Variants in BAZ2B observed in about 807,000 individuals in gnomAD.
BAZ2B encodes the protein bromodomain adjacent to zinc finger domain protein 2B.
In BAZ2B, 91 loss-of-function variants were observed where a neutral mutation model predicts 246.0. That is an observed-to-expected ratio of 0.37 (90% CI 0.31 to 0.44). The LOEUF (loss-of-function observed/expected upper bound fraction) is 0.44. Ranked by LOEUF, BAZ2B falls within the 20% of genes least tolerant of loss-of-function variation. The pLI is 1.00. For synonymous variants in BAZ2B, 855 were observed against 860.0 expected (o/e 0.99, Z 0.10); for missense variants, 2,332 against 2,533.7 (o/e 0.92, Z 1.71).
intron 6 of BAZ2B, among the ~76,000 whole-genome samples, chr2:159,441,585 T>G (rs1252605198): frequency 6.6e-6 from 1 of 152,202 alleles, no homozygotes; most frequent in African/African-American, 2.4e-5. Context: ...TTTCCACAAA[T>G]AATTAGCTAG....
the BAZ2B span, among the ~76,000 whole-genome samples, chr2:159,651,662 A>G: frequency 8.5e-5 from 13 of 152,056 alleles, no homozygotes; most frequent in Admixed American, 3.9e-4. Context: ...TACAACCATC[A>G]CTACAGATTT....
In BAZ2B at chr2:159,412,376, T is replaced by C; in HGVS notation, c.2636A>G (p.Asp879Gly). The stretch of plus-strand genomic sequence containing the variant: ...TCTTAGCAACTTTGCATCTGCGTTA[T>C]CTAGGAATTCAGCATTGCCAACATT... Reference protein sequence around the residue: ...PPNVGNAEFLDNADAKLLRKL... With the variant: ...PPNVGNAEFLGNADAKLLRKL... The change falls in exon 14 of 37, where the codon GAT becomes GGT. Residue 879 changes from aspartate (D) to glycine (G), a missense_variant. Asp to Gly is a moderately conservative substitution (Grantham distance 94). Transcript: ENST00000392783. The C allele has an allele frequency of 1.2e-6, 2 of 1,614,180 alleles. No individual in the cohort carries two copies. Among genetic ancestry groups the C allele is most frequent in the Non-Finnish European group, 1.7e-6 (2 of 1,180,010 alleles).
At position 159,611,322 on chromosome 2, in the gene BAZ2B, A is replaced by C. The variant is rs570258159; in HGVS notation, c.-46+4920T>G. ...AATTCAATGTTCCTTAATTTGATTT[A>C]TATGAATATCTACCTCAACAAAAAT... is the stretch of plus-strand genomic sequence containing the variant. On this transcript the variant is annotated intron_variant, in intron 1 of 36. Coordinates refer to ENST00000392783, the MANE Select transcript of BAZ2B (RefSeq NM_013450.4). 1.8e-3 allele frequency among the ~76,000 whole-genome samples: 277 copies of C among 152,040 alleles called. 2 individuals are homozygous for C. The highest frequency in any genetic ancestry group is 6.4e-3 in the African/African-American group (266 of 41,576).
intron 2 of BAZ2B, among the ~76,000 whole-genome samples, chr2:159,498,117 G>C (rs1274947632): frequency 6.6e-6 from 1 of 152,164 alleles, no homozygotes; most frequent in Non-Finnish European, 1.5e-5. Flanking sequence ...AGCTTTGGTT[G>C]CTGAATCAGT....
chr2:159,380,223 A>C (rs998147450), intron 25 of BAZ2B, among the ~76,000 whole-genome samples: 1 of 152,064 alleles, frequency 6.6e-6, no homozygotes, highest in Admixed American at 6.6e-5. Context: ...AACATCTGTA[A>C]AATCCTTGGC....
At chr2:159,368,533 T>G (rs942064471) in intron 27 of BAZ2B, among the ~76,000 whole-genome samples, 4 of 152,204 alleles carry the variant, frequency 2.6e-5, no homozygotes, top group Non-Finnish European at 5.9e-5. Context: ...TATTCCCTTA[T>G]TATTTCATTA....
chr2:159,562,815 C>T (rs1362827006), intron 1 of BAZ2B, among the ~76,000 whole-genome samples: 1 of 152,048 alleles, frequency 6.6e-6, no homozygotes, highest in Non-Finnish European at 1.5e-5. Context: ...AAATTAGAGT[C>T]CATTTTGGTC....
rs747059690 is a variant in BAZ2B at position 159,334,735 on chromosome 2, C to CTAT, written c.5797-2052_5797-2050dup. Among the ~76,000 whole-genome samples, 5 of 152,058 alleles carry CTAT rather than the reference C, an allele frequency of 3.3e-5. No individual in the cohort carries two copies. The East Asian group carries it at 7.7e-4, about 23-fold the overall frequency. ...TGAATTTGCAAAAATGGAAATAAAG[C>CTAT]TATAGATTGCAGAATTTAAATATAT... On this transcript the variant is annotated intron_variant, in intron 33 of 36. Coordinates refer to ENST00000392783, the MANE Select transcript of BAZ2B (RefSeq NM_013450.4).
chr2:159,630,326 A>G, the BAZ2B span, among the ~76,000 whole-genome samples: 3 of 152,320 alleles, frequency 2.0e-5, no homozygotes, highest in South Asian at 2.1e-4. Context: ...GCATCTCAAA[A>G]AAACCAAAAA....
intron 1 of BAZ2B, among the ~76,000 whole-genome samples, chr2:159,577,976 T>C (rs964779598): frequency 6.6e-6 from 1 of 152,190 alleles, no homozygotes; most frequent in Non-Finnish European, 1.5e-5. Flanking sequence ...ACCTCACTTG[T>C]TTTCACTTGT....
intron 10 of BAZ2B, among the ~76,000 whole-genome samples, chr2:159,429,960 G>C (rs2070765813): frequency 6.6e-6 from 1 of 152,086 alleles, no homozygotes; most frequent in African/African-American, 2.4e-5. Flanking sequence ...ACTGAGAGTA[G>C]TTGTGGAATA....
At position 159,350,028 on chromosome 2, in the gene BAZ2B, C is replaced by T; in HGVS notation, c.4543G>A (p.Ala1515Thr). 1 of 1,614,166 alleles carries T rather than the reference C, an allele frequency of 6.2e-7. No individual in the cohort carries two copies. The highest frequency in any genetic ancestry group is 8.5e-7 in the Non-Finnish European group (1 of 1,180,004). Residue 1515 changes from alanine (A) to threonine (T), a missense_variant, in exon 28 of 37, where the codon GCA becomes ACA. Around this residue, in one of 9 missense-constraint regions of BAZ2B, gnomAD observed 676 missense variants for 668.6 expected, o/e 1.01. Transcript: ENST00000392783. ...KHSLGSVQST[A>T]TQSNVEKADS... ...GCCTTTTCCACATTGCTTTGCGTTG[C>T]TGTTGACTGAACGCTGCCCAGTGAA...
chr2:159,449,516 G>T (rs767100946), intron 4 of BAZ2B, among the ~76,000 whole-genome samples: 1 of 152,102 alleles, frequency 6.6e-6, no homozygotes, highest in Non-Finnish European at 1.5e-5. Flanking sequence ...ATGTAAAATG[G>T]TATGCACCTT....
chr2:159,681,141 T>C, the BAZ2B span, among the ~76,000 whole-genome samples: 1 of 150,804 alleles, frequency 6.6e-6, no homozygotes, highest in Non-Finnish European at 1.5e-5. Flanking sequence ...ATAAGAGAAA[T>C]ACCATATGTT....
In BAZ2B at chr2:159,417,367, C is replaced by T. The variant is rs1158445962; in HGVS notation, c.2467-4822G>A. Reference sequence around the variant, plus strand: ...TGTATTTTTAGTACAGACAGGGTTTCGCCATGTTGGCCAGGCTGGTCTTGA... The same window carrying T: ...TGTATTTTTAGTACAGACAGGGTTTTGCCATGTTGGCCAGGCTGGTCTTGA... On this transcript the variant is annotated intron_variant, in intron 13 of 36. Transcript: ENST00000392783. Among the ~76,000 whole-genome samples the T allele has an allele frequency of 2.0e-5, 3 of 152,032 alleles. No homozygotes were observed. In the East Asian group the frequency reaches 5.8e-4, roughly 29 times the overall value.
At chr2:159,523,499 T>A (rs999031767) in intron 2 of BAZ2B, among the ~76,000 whole-genome samples, 1 of 151,352 alleles carries the variant, frequency 6.6e-6, no homozygotes, top group Non-Finnish European at 1.5e-5. Context: ...AGATCAGGAG[T>A]TCGAGACCAG....
intron 3 of BAZ2B, chr2:159,464,043 C>A (rs1040732817): frequency 1.3e-5 from 2 of 152,090 alleles, no homozygotes; most frequent in African/African-American, 2.4e-5. Flanking sequence ...ATTATTTTGA[C>A]TCACAAGAGT....
At chr2:159,688,206 G>GTT in the BAZ2B span, among the ~76,000 whole-genome samples, 1 of 151,368 alleles carries the variant, frequency 6.6e-6, no homozygotes, top group Admixed American at 6.6e-5. Context: ...CACCCAGCTA[G>GTT]TTTTTTTTAA....
intron 6 of BAZ2B, 47 bp from the exon 7 acceptor site, chr2:159,439,259 T>C (rs1306409336): frequency 5.4e-6 from 8 of 1,483,274 alleles, no homozygotes; most frequent in South Asian, 2.4e-5. Flanking sequence ...TTGGAAAACA[T>C]TCAAGTTTCA....
Sources: allele counts gnomAD v4.1 joint callset (sites outside exome capture counted in the v4.1 genomes callset), GRCh38; gene constraint gnomAD v4.1.1; regional missense constraint gnomAD v4.1.1; transcripts MANE v1.5; gene names NCBI Gene and HGNC (gene_info 2026-07-23, HGNC 2026-07-21).